NKAIN2: variants seen among roughly 807,000 people sequenced by gnomAD.
The protein encoded by NKAIN2 is sodium/potassium-transporting ATPase subunit beta-1-interacting protein 2.
NKAIN2 carries 14 observed loss-of-function variants against 32.6 expected under a neutral mutation model. The observed-to-expected ratio is 0.43, with a 90% CI of 0.28 to 0.67. The LOEUF (loss-of-function observed/expected upper bound fraction) is 0.67. Among genes scored for constraint, NKAIN2 ranks in the 30% least tolerant of loss-of-function variants. NKAIN2 has a pLI of 0.17. For missense variants in NKAIN2, 198 were observed against 258.3 expected, an observed-to-expected ratio of 0.77 and a Z score of 1.60; for synonymous variants, 80 against 87.2, an observed-to-expected ratio of 0.92 and a Z score of 0.46.
intron 3 of NKAIN2, among the ~76,000 whole-genome samples, chr6:124,599,197 A>T (rs1266955366): frequency 6.6e-6 from 1 of 152,026 alleles, no homozygotes; most frequent in African/African-American, 2.4e-5. Context: ...TGGAAGTTTC[A>T]TCTTACTCTT....
At chr6:124,175,834 CA>C (rs1191397940) in intron 1 of NKAIN2, among the ~76,000 whole-genome samples, 1 of 152,122 alleles carries the variant, frequency 6.6e-6, no homozygotes, top group Non-Finnish European at 1.5e-5. Context: ...CTGTTCTCTC[CA>C]AAGTTTGTGA....
intron 3 of NKAIN2, among the ~76,000 whole-genome samples, chr6:124,627,706 CAGA>C (rs1783407931): frequency 6.6e-6 from 1 of 152,112 alleles, no homozygotes; most frequent in Non-Finnish European, 1.5e-5. Flanking sequence ...GTATCATACT[CAGA>C]AGGATACCAT....
chr6:124,581,564 A>C (rs1781526742), intron 3 of NKAIN2, among the ~76,000 whole-genome samples: 1 of 152,096 alleles, frequency 6.6e-6, no homozygotes. Context: ...CATATTCTTC[A>C]CCTCAGCACA....
At chr6:124,786,939 A>G (rs971202826) in intron 4 of NKAIN2, among the ~76,000 whole-genome samples, 27 of 152,074 alleles carry the variant, frequency 1.8e-4, no homozygotes, top group African/African-American at 6.5e-4. Context: ...CCCTTTATAC[A>G]GCCCAAGCTT....
Position 124,085,585 on chromosome 6 carries a change from G to T in NKAIN2, c.55-197420G>T, listed in dbSNP as rs148370574. Reference sequence around the variant, plus strand: ...CCCTGTTTCTTCATGTGTACACTGGGGATAGTAATACTTTATGTGGTTTTA... The same window carrying T: ...CCCTGTTTCTTCATGTGTACACTGGTGATAGTAATACTTTATGTGGTTTTA... On this transcript the variant is annotated intron_variant, in intron 1 of 6. Transcript: ENST00000368417. Among the ~76,000 whole-genome samples, 629 of 151,448 alleles carry T rather than the reference G, an allele frequency of 4.2e-3. 5 individuals are homozygous for T. The highest frequency in any genetic ancestry group is 0.014 in the African/African-American group (597 of 41,252).
intron 1 of NKAIN2, among the ~76,000 whole-genome samples, chr6:123,992,710 T>C (rs1426738179): frequency 1.3e-5 from 2 of 152,216 alleles, no homozygotes; most frequent in Non-Finnish European, 2.9e-5. Context: ...TAATGCAAAC[T>C]GGAACTGGAG....
chr6:124,342,751 C>T (rs1798191783), intron 2 of NKAIN2, among the ~76,000 whole-genome samples: 1 of 151,470 alleles, frequency 6.6e-6, no homozygotes, highest in Non-Finnish European at 1.5e-5. Context: ...AGGATTTGCC[C>T]ACTTCAGCCT....
At chr6:124,798,945 G>C (rs1225347176) in intron 5 of NKAIN2, among the ~76,000 whole-genome samples, 2 of 152,158 alleles carry the variant, frequency 1.3e-5, no homozygotes, top group African/African-American at 2.4e-5. Flanking sequence ...GACTCAGGAA[G>C]TATTTGCAAA....
chr6:124,725,683 T>A (rs1306749240), intron 4 of NKAIN2, among the ~76,000 whole-genome samples: 1 of 151,982 alleles, frequency 6.6e-6, no homozygotes, highest in Non-Finnish European at 1.5e-5. Flanking sequence ...CACATAAAAA[T>A]GAATGTGGAA....
At chr6:123,951,717 A>C (rs756934731) in intron 1 of NKAIN2, among the ~76,000 whole-genome samples, 20 of 151,792 alleles carry the variant, frequency 1.3e-4, no homozygotes, top group Non-Finnish European at 2.5e-4. Flanking sequence ...TTTTTAGTCT[A>C]TTCAGCCAAT....
At chr6:124,451,100 A>G (rs1030544649) in intron 3 of NKAIN2, among the ~76,000 whole-genome samples, 3 of 152,168 alleles carry the variant, frequency 2.0e-5, no homozygotes, top group Non-Finnish European at 4.4e-5. Context: ...AAGTAATTTT[A>G]TCATGATTAT....
intron 3 of NKAIN2, among the ~76,000 whole-genome samples, chr6:124,645,183 A>C: frequency 6.6e-6 from 1 of 152,170 alleles, no homozygotes; most frequent in East Asian, 1.9e-4. Flanking sequence ...AAAACCCAAA[A>C]ACTTATGAAC....
intron 3 of NKAIN2, among the ~76,000 whole-genome samples, chr6:124,607,846 A>T (rs1475261694): frequency 1.3e-5 from 2 of 152,136 alleles, no homozygotes; most frequent in African/African-American, 2.4e-5. Flanking sequence ...CACTTTCAAT[A>T]TAGTATTCCG....
intron 1 of NKAIN2, among the ~76,000 whole-genome samples, chr6:124,262,286 G>T (rs185941821): frequency 6.6e-6 from 1 of 152,160 alleles, no homozygotes; most frequent in Non-Finnish European, 1.5e-5. Context: ...TCCTGGAAGA[G>T]CCCAAAGTCC....
At chr6:123,824,900 AAAGC>A (rs984472578) in intron 1 of NKAIN2, among the ~76,000 whole-genome samples, 1 of 152,080 alleles carries the variant, frequency 6.6e-6, no homozygotes, top group African/African-American at 2.4e-5. Flanking sequence ...GCTTCAGAAA[AAAGC>A]AAGGAAGTAC....
At chr6:124,638,889 A>T (rs1206313444) in intron 3 of NKAIN2, among the ~76,000 whole-genome samples, 5 of 146,598 alleles carry the variant, frequency 3.4e-5, no homozygotes, top group Admixed American at 6.8e-5. Context: ...GACTCTGTCA[A>T]AAAAAAAAAA....
chr6:124,337,542 A>T (rs1797930298), intron 2 of NKAIN2, among the ~76,000 whole-genome samples: 1 of 152,180 alleles, frequency 6.6e-6, no homozygotes, highest in South Asian at 2.1e-4. Context: ...AACAATAAAT[A>T]AACTTAAGCA....
At chr6:124,714,642 C>G (rs1283619842) in intron 4 of NKAIN2, among the ~76,000 whole-genome samples, 1 of 152,176 alleles carries the variant, frequency 6.6e-6, no homozygotes, top group African/African-American at 2.4e-5. Context: ...CGCAGGCCGT[C>G]TAAAGAAGAA....
chr6:123,896,553 C>A (rs1202043120), intron 1 of NKAIN2, among the ~76,000 whole-genome samples: 3 of 152,210 alleles, frequency 2.0e-5, no homozygotes, highest in Non-Finnish European at 2.9e-5. Flanking sequence ...ATGATTTATT[C>A]CCTGTGAACT....
Sources: allele counts gnomAD v4.1 joint callset (sites outside exome capture counted in the v4.1 genomes callset), GRCh38; gene constraint gnomAD v4.1.1; transcripts MANE v1.5; gene names NCBI Gene and HGNC (gene_info 2026-07-23, HGNC 2026-07-21).